The following FRAS1 variants were observed in gnomAD, a reference collection of about 807,000 sequenced individuals.
FRAS1 encodes the protein extracellular matrix organizing protein FRAS1.
A neutral mutation model predicts 435.2 loss-of-function variants in FRAS1; 290 were observed. The observed-to-expected ratio is 0.67, with a 90% CI of 0.61 to 0.73. The LOEUF is 0.73. Ranked by LOEUF, FRAS1 falls within the 30% of genes least tolerant of loss-of-function variation. FRAS1 has a pLI of 0.00. For missense variants in FRAS1, 4,860 were observed against 5,001.5 expected (o/e 0.97, Z 0.85); for synonymous variants, 1,800 against 1,851.0 (o/e 0.97, Z 0.71).
At chr4:78,082,018 T>C (rs759394775) in intron 2 of FRAS1, among the ~76,000 whole-genome samples, 2 of 152,180 alleles carry the variant, frequency 1.3e-5, no homozygotes, top group African/African-American at 4.8e-5. Context: ...TTGAAAACCA[T>C]GTACCTCCTT....
At chr4:78,317,269 C>T in intron 16 of FRAS1, 99 bp from the exon 17 acceptor site, 1 of 1,363,560 alleles carries the variant, frequency 7.3e-7, no homozygotes, top group South Asian at 1.2e-5. Flanking sequence ...GTGACATCCA[C>T]AGGGGACTAA....
intron 68 of FRAS1, 76 bp from the exon 69 acceptor site, chr4:78,522,573 T>C: frequency 1.6e-6 from 2 of 1,255,786 alleles, no homozygotes; most frequent in Non-Finnish European, 1.1e-6. Flanking sequence ...CAGGCTTTTG[T>C]GGGGCTCTAC....
chr4:78,071,119 T>C (rs1226433198), intron 2 of FRAS1: 2 of 152,138 alleles, frequency 1.3e-5, no homozygotes, highest in African/African-American at 4.8e-5. Context: ...CTTAGCAAAT[T>C]TGAAAGAATA....
At chr4:78,334,050 A>C (rs1203029726) in intron 19 of FRAS1, among the ~76,000 whole-genome samples, 1 of 152,206 alleles carries the variant, frequency 6.6e-6, no homozygotes, top group Non-Finnish European at 1.5e-5. Flanking sequence ...TGGCCTCCCA[A>C]AGTGCTGAGA....
intron 9 of FRAS1, among the ~76,000 whole-genome samples, chr4:78,269,622 T>A (rs781669447): frequency 2.2e-4 from 33 of 152,238 alleles, no homozygotes; most frequent in Admixed American, 7.9e-4. Context: ...TTTTTGTTGT[T>A]GTTAAAAAAG....
chr4:78,477,290 C>T (rs986748626), intron 54 of FRAS1, among the ~76,000 whole-genome samples: 2 of 152,156 alleles, frequency 1.3e-5, no homozygotes, highest in African/African-American at 4.8e-5. Context: ...CACTTAACAC[C>T]TTCATATACA....
intron 46 of FRAS1, 83 bp downstream of exon 46, chr4:78,451,974 C>A: frequency 7.1e-7 from 1 of 1,416,150 alleles, no homozygotes; most frequent in Non-Finnish European, 9.6e-7. Context: ...CACCTCGAGG[C>A]TCGAGTCCTT....
intron 19 of FRAS1, 147 bp from the exon 20 acceptor site, chr4:78,337,527 A>G: frequency 1.1e-6 from 1 of 881,640 alleles, no homozygotes; most frequent in Non-Finnish European, 1.8e-6. Flanking sequence ...GTCAGGTCCA[A>G]GGGTGTGCCC....
At chr4:78,092,000 G>A (rs866481820) in intron 2 of FRAS1, among the ~76,000 whole-genome samples, 127 of 98,496 alleles carry the variant, frequency 1.3e-3, no homozygotes, top group African/African-American at 3.7e-3. Flanking sequence ...AAAAAAAAAA[G>A]GAAAAAAACA....
At chr4:78,365,493 A>G (rs1578276226) in intron 22 of FRAS1, among the ~76,000 whole-genome samples, 1 of 152,274 alleles carries the variant, frequency 6.6e-6, no homozygotes, top group African/African-American at 2.4e-5. Flanking sequence ...AAAAGAAAAA[A>G]TAGAATCCAT....
chr4:78,332,599 G>T (rs1051261288), intron 18 of FRAS1, among the ~76,000 whole-genome samples: 1 of 152,220 alleles, frequency 6.6e-6, no homozygotes, highest in African/African-American at 2.4e-5. Flanking sequence ...AACACCCCAT[G>T]CAGTATGTTC....
At position 78,111,777 on chromosome 4, in the gene FRAS1, T is replaced by C. The variant is rs774729476; in HGVS notation, c.108+45761T>C. ...TAAAAAAAAAAAAAAAAAAAAAAGA[T>C]GAGGTTCTGTCTGTTTTGCAACAAT... is the stretch of plus-strand genomic sequence containing the variant. On this transcript the variant is annotated intron_variant, in intron 2 of 73. Coordinates refer to ENST00000512123, the MANE Select transcript of FRAS1 (RefSeq NM_025074.7). Among the ~76,000 whole-genome samples the C allele has an allele frequency of 1.2e-3, 163 of 136,892 alleles. 2 individuals carry two copies. The highest frequency in any genetic ancestry group is 6.5e-4 in the Non-Finnish European group (42 of 64,332). 89.8% of individuals were successfully genotyped at this position (136,892 alleles called of 152,430 possible). A position where few individuals can be genotyped will look rare whatever the true frequency, so the allele number is the denominator to read the frequency against.
chr4:78,359,284 A>G (rs540665787), intron 20 of FRAS1, among the ~76,000 whole-genome samples: 2 of 89,684 alleles, frequency 2.2e-5, no homozygotes, highest in Non-Finnish European at 5.4e-5. Context: ...AGGGAACTAT[A>G]CTTTTCTGTT....
chr4:78,178,535 C>T (rs1354843115), intron 2 of FRAS1, among the ~76,000 whole-genome samples: 2 of 152,184 alleles, frequency 1.3e-5, no homozygotes, highest in African/African-American at 4.8e-5. Context: ...CATAAAAATT[C>T]CCCTGATAGT....
chr4:78,272,987 A>C (rs1726790163), intron 9 of FRAS1, among the ~76,000 whole-genome samples: 1 of 151,896 alleles, frequency 6.6e-6, no homozygotes, highest in Non-Finnish European at 1.5e-5. Flanking sequence ...CTTTTATTTC[A>C]TCGATCAGTG....
chr4:78,365,462 G>C (rs1158318941), intron 22 of FRAS1, among the ~76,000 whole-genome samples: 1 of 152,058 alleles, frequency 6.6e-6, no homozygotes. Context: ...CACAGCAGTG[G>C]AATCACAGAA....
intron 2 of FRAS1, among the ~76,000 whole-genome samples, chr4:78,218,098 T>TCACACACA (rs1553931228): frequency 0.046 from 1,838 of 39,684 alleles, 151 homozygotes; most frequent in Middle Eastern, 0.12. Context: ...TCACTCTCTC[T>TCACACACA]CACACACACA....
chr4:78,267,977 G>A (rs1216584577), intron 9 of FRAS1, among the ~76,000 whole-genome samples: 1 of 152,214 alleles, frequency 6.6e-6, no homozygotes, highest in Non-Finnish European at 1.5e-5. Flanking sequence ...AACCTCTGCT[G>A]TCTGCAGAAT....
At chr4:78,242,090 A>G (rs1194413266) in intron 3 of FRAS1, among the ~76,000 whole-genome samples, 1 of 152,238 alleles carries the variant, frequency 6.6e-6, no homozygotes, top group Non-Finnish European at 1.5e-5. Context: ...GATCATGTAA[A>G]TATTCCACAG....
Sources: allele counts gnomAD v4.1 joint callset (sites outside exome capture counted in the v4.1 genomes callset), GRCh38; gene constraint gnomAD v4.1.1; transcripts MANE v1.5; gene names NCBI Gene and HGNC (gene_info 2026-07-23, HGNC 2026-07-21).